ZNF8: variants seen among roughly 807,000 people sequenced by gnomAD.
ZNF8 encodes zinc finger protein 272.
A neutral mutation model predicts 12.2 loss-of-function variants in ZNF8; 9 were observed. The observed-to-expected ratio is 0.73, with a 90% CI of 0.44 to 1.28. The LOEUF (loss-of-function observed/expected upper bound fraction) is 1.28. Among genes scored for constraint, ZNF8 ranks in the 50% most tolerant of loss-of-function variants. ZNF8 has a pLI of 0.00. For missense variants in ZNF8, 664 were observed against 729.1 expected (o/e 0.91, Z 1.03); for synonymous variants, 274 against 282.3 (o/e 0.97, Z 0.30).
Position 58,285,859 on chromosome 19 carries a change from C to A in ZNF8, c.193+16C>A. On this transcript the variant is annotated intron_variant, in intron 2 of 3. Transcript: ENST00000621650. ...CTCTCCATAGGTAAGCCCTGCTTCG[C>A]AAGGTGTGATAGCTGATTCTCTCTG... The A allele has an allele frequency of 1.3e-6, 2 of 1,598,476 alleles. No individual in the cohort carries two copies.
At chr19:58,279,566 G>A (rs1226857531) in intron 1 of ZNF8, 1 of 1,529,684 alleles carries the variant, frequency 6.5e-7, no homozygotes, top group African/African-American at 1.4e-5. Context: ...ATGCTTTAAC[G>A]CGTGGAGTCA....
Position 58,302,693 on chromosome 19 carries a change from C to G in ZNF8, c.*7157C>G, listed in dbSNP as rs2051497871. Reference sequence around the variant, plus strand: ...TTTACAGTGGGAATGTGAATTGATACAACTTCTGTGGAGGGCAGTTTATCA... The same window carrying G: ...TTTACAGTGGGAATGTGAATTGATAGAACTTCTGTGGAGGGCAGTTTATCA... On this transcript the variant is annotated 3_prime_UTR_variant, in exon 4 of 4. Transcript: ENST00000621650. 6.6e-6 allele frequency: 1 copy of G among 152,230 alleles called. No individual in the cohort carries two copies. The highest frequency in any genetic ancestry group is 1.5e-5 in the Non-Finnish European group (1 of 68,044). 9.4% of individuals were successfully genotyped at this position (152,230 alleles called of 1,614,324 possible).
At position 58,295,680 on chromosome 19, in the gene ZNF8, G is replaced by A. The variant is rs569908594; in HGVS notation, c.*144G>A. 1.2e-4 allele frequency: 86 copies of A among 743,174 alleles called. No homozygotes were observed. The highest frequency in any genetic ancestry group is 2.6e-4 in the Admixed American group (9 of 34,270). 46.0% of individuals were successfully genotyped at this position (743,174 alleles called of 1,614,324 possible). On this transcript the variant is annotated 3_prime_UTR_variant, in exon 4 of 4. Coordinates refer to ENST00000621650, the MANE Select transcript of ZNF8 (RefSeq NM_021089.3). ...AGGAAATGATGCTTCCCAAGCACCC[G>A]AGGTTGGTTGGTCCCAAATCTATCA...
At chr19:58,291,278 C>CCT (rs1012959880) in intron 3 of ZNF8, among the ~76,000 whole-genome samples, 2 of 152,142 alleles carry the variant, frequency 1.3e-5, no homozygotes, top group African/African-American at 4.8e-5. Context: ...AACTGCTCAC[C>CCT]CTCTCTCTCG....
chr19:58,299,511 T>G lies in ZNF8; in HGVS notation c.*3975T>G, dbSNP rs1017779602. On this transcript the variant is annotated 3_prime_UTR_variant, in exon 4 of 4. Transcript: ENST00000621650. The stretch of plus-strand genomic sequence containing the variant: ...CAGGCCAGGCGCGGTGGCTCACGCC[T>G]GTAATCCCAGCACTTTCGGAGGCCG... 6.6e-6 allele frequency: 1 copy of G among 150,396 alleles called. No individual in the cohort carries two copies. Among genetic ancestry groups the G allele is most frequent in the African/African-American group, 2.4e-5 (1 of 40,864 alleles). The allele number at this position is 150,396 out of a possible 1,614,324, so 9.3% of individuals were successfully genotyped here.
In ZNF8 at chr19:58,279,223, C is replaced by T. The variant is rs145995823; in HGVS notation, c.66+76C>T. 844 of 1,537,160 alleles carry T rather than the reference C, an allele frequency of 5.5e-4. 4 individuals are homozygous for T. In the African/African-American group the frequency reaches 9.7e-3, roughly 18 times the overall value. ...CGCGCAGACTGACCCTTTCACCTCG[C>T]GGCGCGATGAGAGCGGCACCGCTGT... On this transcript the variant is annotated intron_variant, in intron 1 of 3. Coordinates refer to ENST00000621650, the MANE Select transcript of ZNF8 (RefSeq NM_021089.3).
Position 58,279,175 on chromosome 19 carries a change from G to A in ZNF8, c.66+28G>A, listed in dbSNP as rs772403540. On this transcript the variant is annotated intron_variant, in intron 1 of 3. Transcript: ENST00000621650. ...AACAATAACAACAATAACGACGGCG[G>A]CGGGCTCCGGGCAAGCGTCTCCCGC... is the stretch of plus-strand genomic sequence containing the variant. The A allele has an allele frequency of 2.5e-5, 38 of 1,547,060 alleles. No homozygotes were observed. In the Admixed American group the frequency reaches 7.4e-4, roughly 30 times the overall value.
intron 1 of ZNF8, among the ~76,000 whole-genome samples, chr19:58,281,297 G>T (rs1314692598): frequency 1.3e-5 from 2 of 152,192 alleles, no homozygotes; most frequent in Non-Finnish European, 2.9e-5. Flanking sequence ...GTGACCAGGT[G>T]TTGGCTGATG....
At chr19:58,279,314 A>T in intron 1 of ZNF8, 167 bp downstream of exon 1, 1 of 1,493,474 alleles carries the variant, frequency 6.7e-7, no homozygotes, top group Non-Finnish European at 8.9e-7. Flanking sequence ...CTGGCTGGTC[A>T]GAGAGGGGGC....
chr19:58,287,337 C>CTTTTTTTTTTTT (rs35511685), intron 3 of ZNF8, among the ~76,000 whole-genome samples: 1 of 117,806 alleles, frequency 8.5e-6, no homozygotes, highest in African/African-American at 3.3e-5. Flanking sequence ...CCATGCCCAG[C>CTTTTTTTTTTTT]TTTTTTTTTT....
At chr19:58,288,874 T>TA (rs1301436968) in intron 3 of ZNF8, among the ~76,000 whole-genome samples, 1 of 152,214 alleles carries the variant, frequency 6.6e-6, no homozygotes, top group African/African-American at 2.4e-5. Context: ...TCACTGCTGT[T>TA]ACTTCAGACA....
At chr19:58,290,373 C>A (rs1190431483) in intron 3 of ZNF8, among the ~76,000 whole-genome samples, 1 of 151,922 alleles carries the variant, frequency 6.6e-6, no homozygotes, top group Non-Finnish European at 1.5e-5. Flanking sequence ...CTTGGCCTCC[C>A]AAAGTGCTGG....
chr19:58,299,116 A>AT lies in ZNF8; in HGVS notation c.*3594dup, dbSNP rs58919160. The AT allele has an allele frequency of 0.18, 25,297 of 142,912 alleles. 4,845 individuals are homozygous for AT. Among genetic ancestry groups the AT allele is most frequent in the African/African-American group, 0.48 (18,782 of 39,234 alleles). The allele number at this position is 142,912 out of a possible 1,614,324, so 8.9% of individuals were successfully genotyped here. A position where few individuals can be genotyped will look rare whatever the true frequency, so the allele number is the denominator to read the frequency against. ...AGCCAATGCACCCTGCCAAACAGCA[A>AT]TTTTTTTTTTTTTTGAGACAGAGTC... is the stretch of plus-strand genomic sequence containing the variant. On this transcript the variant is annotated 3_prime_UTR_variant, in exon 4 of 4. Transcript: ENST00000621650.
Position 58,294,684 on chromosome 19 carries a change from A to C in ZNF8, c.876A>C (p.Lys292Asn), listed in dbSNP as rs1211087150. 2 of 1,614,200 alleles carry C rather than the reference A, an allele frequency of 1.2e-6. No homozygotes were observed. Among genetic ancestry groups the C allele is most frequent in the African/African-American group, 2.7e-5 (2 of 75,060 alleles). ...CTTATATGTGCAAGGAGTGTGGGAA[A>C]GCCTTCAGCCAGAACTCCTCCCTCG... ...ERPYMCKECG[K>N]AFSQNSSLVQ... Residue 292 changes from lysine to asparagine, a missense_variant, in exon 4 of 4, where the codon AAA (lysine) becomes AAC (asparagine). Transcript: ENST00000621650. This position sits in a 1 kb window ranked among gnomAD's most constrained non-coding sequence, Gnocchi z 5.5.
chr19:58,279,213 T>G (rs1173559509), intron 1 of ZNF8, 66 bp downstream of exon 1: 3 of 1,538,524 alleles, frequency 1.9e-6, no homozygotes, highest in Non-Finnish European at 2.6e-6. Context: ...AGACTGACCC[T>G]TTCACCTCGC....
chr19:58,293,179 T>C (rs1348152001), intron 3 of ZNF8, among the ~76,000 whole-genome samples: 1 of 152,122 alleles, frequency 6.6e-6, no homozygotes, highest in Non-Finnish European at 1.5e-5. Context: ...CCTCAAGTGA[T>C]CCTCCAGCCT....
intron 1 of ZNF8, chr19:58,280,047 G>A (rs948605760): frequency 2.6e-6 from 1 of 384,120 alleles, no homozygotes; most frequent in Admixed American, 4.1e-5. Flanking sequence ...GTGGATGGGG[G>A]ACAAGGAATG....
In ZNF8 at chr19:58,295,039, T is replaced by A. The variant is rs1424377516; in HGVS notation, c.1231T>A (p.Ser411Thr). The change falls in exon 4 of 4, where the codon TCC becomes ACC. Residue 411 changes from serine to threonine, a missense_variant. Physicochemically the swap from Ser to Thr is moderately conservative, Grantham distance 58. Transcript: ENST00000621650. ...CGGGAAGGGCTTCAGGCACAGCTCA[T>A]CCCTGGCCCAGCACCAGCGGAAGCA... Reference protein sequence around the residue: ...HCGKGFRHSSSLAQHQRKHAG... With the variant: ...HCGKGFRHSSTLAQHQRKHAG... 17 of 1,613,964 alleles carry A rather than the reference T, an allele frequency of 1.1e-5. No homozygotes were observed. The highest frequency in any genetic ancestry group is 1.4e-5 in the Non-Finnish European group (17 of 1,179,942).
In ZNF8 at chr19:58,294,701, C is replaced by G. The variant is rs2051442059; in HGVS notation, c.893C>G (p.Ser298Cys). The G allele has an allele frequency of 6.2e-7, 1 of 1,614,144 alleles. No homozygotes were observed. The highest frequency in any genetic ancestry group is 8.5e-7 in the Non-Finnish European group (1 of 1,180,008). The change falls in exon 4 of 4, where the codon TCC (serine) becomes TGC (cysteine). Residue 298 changes from serine to cysteine, a missense_variant. Physicochemically the swap from Ser to Cys is moderately radical, Grantham distance 112. Transcript: ENST00000621650. The surrounding 1 kb of genome is among the most constrained non-coding windows in gnomAD (Gnocchi z 5.5). ...TGTGGGAAAGCCTTCAGCCAGAACT[C>G]CTCCCTCGTCCAGCATGAGCGCATC... The part of the protein sequence containing the change: ...KECGKAFSQN[S>C]SLVQHERIHT...
Sources: allele counts gnomAD v4.1 joint callset (sites outside exome capture counted in the v4.1 genomes callset), GRCh38; gene constraint gnomAD v4.1.1; non-coding constraint Gnocchi (gnomAD v3.1); transcripts MANE v1.5; gene names NCBI Gene and HGNC (gene_info 2026-07-23, HGNC 2026-07-21).